The following NKAIN2 variants were observed in gnomAD, a reference collection of about 807,000 sequenced individuals.
NKAIN2 encodes sodium/potassium-transporting ATPase subunit beta-1-interacting protein 2.
Under a neutral mutation model 32.6 loss-of-function variants are expected in NKAIN2, and 14 were observed. The ratio of observed to expected loss-of-function variants is 0.43; its 90% CI spans 0.28 to 0.67. The LOEUF (loss-of-function observed/expected upper bound fraction) is 0.67. NKAIN2 is among the 30% of genes least tolerant of loss of function. The pLI, the probability that NKAIN2 is intolerant of heterozygous loss-of-function variation, is 0.17. For synonymous variants in NKAIN2, 80 were observed against 87.2 expected, an observed-to-expected ratio of 0.92 and a Z score of 0.46; for missense variants, 198 against 258.3, an observed-to-expected ratio of 0.77 and a Z score of 1.60.
intron 2 of NKAIN2, among the ~76,000 whole-genome samples, chr6:124,313,918 A>G (rs1355694464): frequency 6.6e-6 from 1 of 152,122 alleles, no homozygotes; most frequent in South Asian, 2.1e-4. Flanking sequence ...AAAATGCCCT[A>G]TTGAATAAGT....
At chr6:124,624,208 C>A (rs527348903) in intron 3 of NKAIN2, among the ~76,000 whole-genome samples, 12 of 152,200 alleles carry the variant, frequency 7.9e-5, no homozygotes, top group Non-Finnish European at 1.6e-4. Context: ...TTGCATATAG[C>A]GAATCCCAGA....
chr6:124,348,661 A>T (rs2093174), intron 2 of NKAIN2, among the ~76,000 whole-genome samples: 1 of 152,140 alleles, frequency 6.6e-6, no homozygotes, highest in Non-Finnish European at 1.5e-5. Context: ...AGCTCCCAGC[A>T]TGAGCGACGC....
In NKAIN2 at chr6:124,548,591, G is replaced by C. The variant is rs58981148; in HGVS notation, c.274-109595G>C. ...GAGTGTTACCTTCAGAGAGGGAAGA[G>C]GAAAGGTCTTCACAGGTGAAGCTTG... On this transcript the variant is annotated intron_variant, in intron 3 of 6. Transcript: ENST00000368417. Among the ~76,000 whole-genome samples the C allele has an allele frequency of 3.4e-3, 522 of 152,314 alleles. 3 individuals are homozygous for C. The highest frequency in any genetic ancestry group is 0.012 in the African/African-American group (502 of 41,580).
At chr6:124,730,858 T>G (rs1776628535) in intron 4 of NKAIN2, among the ~76,000 whole-genome samples, 1 of 145,080 alleles carries the variant, frequency 6.9e-6, no homozygotes, top group African/African-American at 2.5e-5. Flanking sequence ...TCAAACAAAT[T>G]TACAAGAAAA....
chr6:123,960,517 G>A (rs1180512226), intron 1 of NKAIN2, among the ~76,000 whole-genome samples: 2 of 152,040 alleles, frequency 1.3e-5, no homozygotes, highest in African/African-American at 2.4e-5. Context: ...TCTGCCTCAG[G>A]TGTAGACCTC....
chr6:123,873,172 T>A (rs554190773), intron 1 of NKAIN2, among the ~76,000 whole-genome samples: 34 of 152,108 alleles, frequency 2.2e-4, no homozygotes, highest in African/African-American at 8.0e-4. Context: ...ATAGAGTATG[T>A]TCAAGGAGGA....
intron 1 of NKAIN2, among the ~76,000 whole-genome samples, chr6:123,947,070 G>A (rs1266498992): frequency 6.6e-6 from 1 of 152,216 alleles, no homozygotes; most frequent in African/African-American, 2.4e-5. Context: ...GGAACAGGAT[G>A]GGAGTCGTAC....
At chr6:124,274,100 A>G (rs1233446514) in intron 1 of NKAIN2, among the ~76,000 whole-genome samples, 2 of 152,176 alleles carry the variant, frequency 1.3e-5, no homozygotes, top group African/African-American at 4.8e-5. Flanking sequence ...TCAGACTACA[A>G]AGGTATAAAA....
chr6:124,291,892 T>C (rs2753151), intron 2 of NKAIN2, among the ~76,000 whole-genome samples: 45,000 of 151,792 alleles, frequency 0.3, 9,188 homozygotes, highest in African/African-American at 0.58. Context: ...GAGTATGCCT[T>C]GTCTCCTGTT....
intron 1 of NKAIN2, among the ~76,000 whole-genome samples, chr6:123,933,187 T>C (rs1776336960): frequency 6.6e-6 from 1 of 152,212 alleles, no homozygotes; most frequent in African/African-American, 2.4e-5. Flanking sequence ...ATTTAAACTT[T>C]CCTGATTTTC....
At chr6:124,415,878 C>T (rs372302578) in intron 3 of NKAIN2, among the ~76,000 whole-genome samples, 269 of 72,436 alleles carry the variant, frequency 3.7e-3, no homozygotes, top group Middle Eastern at 0.014. Flanking sequence ...TTTTTATTTG[C>T]TTTTTTTTTT....
chr6:124,714,374 T>C (rs1775650726), intron 4 of NKAIN2, among the ~76,000 whole-genome samples: 1 of 152,234 alleles, frequency 6.6e-6, no homozygotes, highest in African/African-American at 2.4e-5. Context: ...ACTAGGACAC[T>C]TGCTAATTAT....
intron 1 of NKAIN2, among the ~76,000 whole-genome samples, chr6:124,138,036 C>G (rs1157213309): frequency 6.6e-6 from 1 of 151,866 alleles, no homozygotes; most frequent in Non-Finnish European, 1.5e-5. Context: ...AACTAAAAAG[C>G]AAAGAAATAA....
Position 124,708,683 on chromosome 6 carries a change from G to C in NKAIN2, c.474+50297G>C, listed in dbSNP as rs539802880. On this transcript the variant is annotated intron_variant, in intron 4 of 6. Coordinates refer to ENST00000368417, the MANE Select transcript of NKAIN2 (RefSeq NM_001040214.3). The stretch of plus-strand genomic sequence containing the variant: ...AGAATGCTTGTGATTTTTGTACATT[G>C]ATTTTGTATCCTGAGACTTTGCTGA... Among the ~76,000 whole-genome samples the C allele has an allele frequency of 7.2e-3, 1,096 of 152,106 alleles. 6 individuals carry two copies. The highest frequency in any genetic ancestry group is 0.025 in the African/African-American group (1,025 of 41,464).
chr6:124,444,670 A>G (rs1014766373), intron 3 of NKAIN2, among the ~76,000 whole-genome samples: 9 of 151,998 alleles, frequency 5.9e-5, no homozygotes, highest in Non-Finnish European at 4.4e-5. Flanking sequence ...GACATTTTAT[A>G]TTATGTAACA....
At chr6:123,934,177 ATC>A (rs1203952803) in intron 1 of NKAIN2, among the ~76,000 whole-genome samples, 1 of 152,184 alleles carries the variant, frequency 6.6e-6, no homozygotes, top group African/African-American at 2.4e-5. Context: ...GCATTAGAAG[ATC>A]TTTATAATCA....
At chr6:124,466,393 A>G (rs554540631) in intron 3 of NKAIN2, among the ~76,000 whole-genome samples, 1 of 152,232 alleles carries the variant, frequency 6.6e-6, no homozygotes, top group Admixed American at 6.5e-5. Flanking sequence ...TCAGTAATTC[A>G]GCTTTCAAAT....
chr6:123,808,795 C>T (rs1314916094), intron 1 of NKAIN2, among the ~76,000 whole-genome samples: 1 of 152,204 alleles, frequency 6.6e-6, no homozygotes, highest in East Asian at 1.9e-4. Context: ...TCTGATGCTG[C>T]TTTACTTTGA....
intron 4 of NKAIN2, among the ~76,000 whole-genome samples, chr6:124,676,212 T>A (rs767332737): frequency 1.1e-4 from 16 of 152,168 alleles, no homozygotes; most frequent in Non-Finnish European, 2.1e-4. Flanking sequence ...TCAATCTTCT[T>A]AAATCTGTCA....
Sources: allele counts gnomAD v4.1 joint callset (sites outside exome capture counted in the v4.1 genomes callset), GRCh38; gene constraint gnomAD v4.1.1; transcripts MANE v1.5; gene names NCBI Gene and HGNC (gene_info 2026-07-23, HGNC 2026-07-21).